FBF1: variants seen among roughly 807,000 people sequenced by gnomAD.
FBF1 encodes Fas binding factor 1.
A neutral mutation model predicts 147.2 loss-of-function variants in FBF1; 119 were observed. The ratio of observed to expected loss-of-function variants is 0.81; its 90% CI spans 0.70 to 0.94. The LOEUF (loss-of-function observed/expected upper bound fraction) is 0.94, where lower values mean the gene tolerates loss of function less well. Among genes scored for constraint, FBF1 ranks in the 40% least tolerant of loss-of-function variants. The probability of loss-of-function intolerance (pLI) is 0.00; values close to 1 mark genes in which losing one functional copy is unlikely to be tolerated. For synonymous variants in FBF1, 601 were observed against 609.0 expected (o/e 0.99, Z 0.19); for missense variants, 1,449 against 1,500.8 (o/e 0.97, Z 0.57).
Position 75,917,509 on chromosome 17 carries a change from C to T in FBF1, c.2505+223G>A, listed in dbSNP as rs955338494. The stretch of plus-strand genomic sequence containing the variant: ...CCGAGGGGCTTGCGGTGCTGAGGAG[C>T]GGACAGGGCGTGGTGGGGGGCCTGG... On this transcript the variant is annotated intron_variant, in intron 23 of 29. Transcript: ENST00000636174. Among the ~76,000 whole-genome samples, 13 of 71,472 alleles carry T rather than the reference C, an allele frequency of 1.8e-4. No individual in the cohort carries two copies. The East Asian group carries it at 3.2e-3, about 18-fold the overall frequency. The allele number at this position is 71,472 out of a possible 152,430, so 46.9% of individuals were successfully genotyped here.
chr17:75,923,428 C>G lies in FBF1; in HGVS notation c.1182G>C (p.Ala394=). The G allele has an allele frequency of 1.2e-6, 2 of 1,608,164 alleles. No homozygotes were observed. Among genetic ancestry groups the G allele is most frequent in the South Asian group, 1.1e-5 (1 of 89,810 alleles). Residue 394 remains alanine (A), a synonymous_variant, in exon 14 of 30, where the codon GCG becomes GCC. Transcript: ENST00000636174. The surrounding 1 kb of genome is among the most constrained non-coding windows in gnomAD (Gnocchi z 4.1). The stretch of plus-strand genomic sequence containing the variant: ...GCCCAGCTGGCGTGGAGTGCTGGCT[C>G]GCAGGAGGAGGCACTGAGGGCGTGA... ...VPVTPSVPPP[A]SQHSTPAGLP...
At chr17:75,933,801 A>G (rs2065608125) in intron 4 of FBF1, among the ~76,000 whole-genome samples, 2 of 152,300 alleles carry the variant, frequency 1.3e-5, no homozygotes, top group South Asian at 4.1e-4. Flanking sequence ...CAATAAACAC[A>G]TGAAAAGATG....
At position 75,926,825 on chromosome 17, in the gene FBF1, G is replaced by C. The variant is rs199938901; in HGVS notation, c.528C>G (p.Thr176=). The C allele has an allele frequency of 1.2e-6, 2 of 1,613,660 alleles. No homozygotes were observed. Among genetic ancestry groups the C allele is most frequent in the South Asian group, 1.1e-5 (1 of 90,990 alleles). Residue 176 remains threonine (T), a synonymous_variant, in exon 10 of 30, where the codon ACC becomes ACG. Coordinates refer to ENST00000636174, the MANE Select transcript of FBF1 (RefSeq NM_001319193.2). Reference sequence around the variant, plus strand: ...TACTCTGTGTCACAGGCGGCTGCTTGGTGATTCCTCCTTCATCATAGGAGA... The same window carrying C: ...TACTCTGTGTCACAGGCGGCTGCTTCGTGATTCCTCCTTCATCATAGGAGA... The part of the protein sequence containing the change: ...GLLSYDEGGI[T]KQPPVTQSKT...
intron 7 of FBF1, among the ~76,000 whole-genome samples, chr17:75,929,287 C>T (rs962703448): frequency 1.3e-5 from 2 of 151,784 alleles, no homozygotes; most frequent in African/African-American, 4.8e-5. Context: ...AATGAGATCA[C>T]ACCACTGCAC....
chr17:75,933,156 G>A, intron 4 of FBF1, 68 bp from the exon 5 acceptor site: 1 of 1,256,888 alleles, frequency 8.0e-7, no homozygotes, highest in Non-Finnish European at 1.1e-6. Flanking sequence ...TGCAAAGGCT[G>A]GCAAGCTCCC....
intron 3 of FBF1, 135 bp from the exon 4 acceptor site, chr17:75,935,808 G>T: frequency 1.4e-6 from 1 of 729,700 alleles, no homozygotes; most frequent in Non-Finnish European, 2.1e-6. Context: ...CCTTTCATTG[G>T]CCACGAGATG....
At chr17:75,915,318 C>T (rs1368483245) in intron 23 of FBF1, among the ~76,000 whole-genome samples, 179 bp from the exon 24 acceptor site, 1 of 152,194 alleles carries the variant, frequency 6.6e-6, no homozygotes, top group Admixed American at 6.5e-5. Flanking sequence ...CCAGCCCGCA[C>T]GATTCTGCCC....
In FBF1 at chr17:75,910,709, G is replaced by A. The variant is rs760956517; in HGVS notation, c.*14C>T. On this transcript the variant is annotated 3_prime_UTR_variant, in exon 30 of 30. Coordinates refer to ENST00000636174, the MANE Select transcript of FBF1 (RefSeq NM_001319193.2). This position sits in a 1 kb window ranked among gnomAD's most constrained non-coding sequence, Gnocchi z 4.1. ...GGTCCGAACCCTCTGTTGGGGAATC[G>A]GCTGGGGTCCCACTCAGGCTGAATG... The A allele has an allele frequency of 5.0e-6, 8 of 1,601,698 alleles. No individual in the cohort carries two copies. Among genetic ancestry groups the A allele is most frequent in the South Asian group, 2.2e-5 (2 of 88,892 alleles).
chr17:75,928,086 G>T lies in FBF1; in HGVS notation c.387C>A (p.Pro129=), dbSNP rs748032965. ...TGGCTACTGACCCACCTGCAGGCTT[G>T]GGGTGGTTGGGCAGCTCTCCTTTCC... ...DPGKGELPNH[P]KPAGGAIPTK... The change falls in exon 8 of 30, where the codon CCC becomes CCA. Residue 129 remains proline, a synonymous_variant. Transcript: ENST00000636174. The surrounding 1 kb of genome is among the most constrained non-coding windows in gnomAD (Gnocchi z 4.2). 8 of 1,613,164 alleles carry T rather than the reference G, an allele frequency of 5.0e-6. No individual in the cohort carries two copies. The African/African-American group carries it at 6.7e-5, about 13-fold the overall frequency.
At chr17:75,930,124 C>T (rs574799842) in intron 6 of FBF1, 77 bp from the exon 7 acceptor site, 2 of 1,202,376 alleles carry the variant, frequency 1.7e-6, no homozygotes, top group East Asian at 2.5e-5. Flanking sequence ...GGGTCCTGGC[C>T]CCTTGCTTCT....
At chr17:75,934,856 GCAA>G (rs2065614603) in intron 4 of FBF1, among the ~76,000 whole-genome samples, 1 of 146,886 alleles carries the variant, frequency 6.8e-6, no homozygotes, top group African/African-American at 2.6e-5. Flanking sequence ...TCCAGCCTGG[GCAA>G]CAAGAGTGAA....
Position 75,910,670 on chromosome 17 carries a change from C to T in FBF1, c.*53G>A. On this transcript the variant is annotated 3_prime_UTR_variant, in exon 30 of 30. Transcript: ENST00000636174. The surrounding 1 kb of genome is among the most constrained non-coding windows in gnomAD (Gnocchi z 4.1). ...GCCTCCATGGAGGCAGCCGGAGGAA[C>T]AGGACAGTTCTGGGGTCCGAACCCT... is the stretch of plus-strand genomic sequence containing the variant. 6.6e-7 allele frequency: 1 copy of T among 1,520,946 alleles called. No homozygotes were observed. 94.2% of individuals were successfully genotyped at this position (1,520,946 alleles called of 1,614,324 possible).
rs1295305032 is a variant in FBF1 at position 75,922,124 on chromosome 17, C to T, written c.1425-78G>A. The T allele has an allele frequency of 7.8e-7, 1 of 1,280,104 alleles. No individual in the cohort carries two copies. Among genetic ancestry groups the T allele is most frequent in the South Asian group, 1.3e-5 (1 of 76,336 alleles). The allele number at this position is 1,280,104 out of a possible 1,614,324, so 79.3% of individuals were successfully genotyped here. ...GGATGAAGACAGGGCCCAGGACGGG[C>T]TTCACACGTGAAGCTCGTGGCCCCC... is the stretch of plus-strand genomic sequence containing the variant. On this transcript the variant is annotated intron_variant, in intron 14 of 29. Transcript: ENST00000636174. The surrounding 1 kb of genome is among the most constrained non-coding windows in gnomAD (Gnocchi z 5.0).
intron 10 of FBF1, 41 bp from the exon 11 acceptor site, chr17:75,926,467 C>T (rs1417008050): frequency 6.6e-7 from 1 of 1,507,244 alleles, no homozygotes; most frequent in East Asian, 2.3e-5. Context: ...AGCCTTCTTG[C>T]CCTCAACTGT....
intron 3 of FBF1, among the ~76,000 whole-genome samples, chr17:75,936,083 C>G (rs771531269): frequency 6.6e-6 from 1 of 152,072 alleles, no homozygotes; most frequent in African/African-American, 2.4e-5. Flanking sequence ...GAGGCCAAGG[C>G]GGGTGGATCA....
intron 7 of FBF1, 85 bp downstream of exon 7, chr17:75,929,912 A>T: frequency 4.3e-6 from 5 of 1,167,928 alleles, no homozygotes; most frequent in Non-Finnish European, 6.3e-6. Flanking sequence ...GAGAAATTAG[A>T]AGGAGAATGA....
chr17:75,914,076 G>A (rs1181816168), intron 26 of FBF1, 26 bp from the exon 27 acceptor site: 1 of 1,592,722 alleles, frequency 6.3e-7, no homozygotes, highest in Non-Finnish European at 8.5e-7. Flanking sequence ...CTGGGTCAGG[G>A]CTGCCTGGGC....
chr17:75,927,450 G>T lies in FBF1; in HGVS notation c.475+5C>A. 1 of 1,583,054 alleles carries T rather than the reference G, an allele frequency of 6.3e-7. No individual in the cohort carries two copies. Among genetic ancestry groups the T allele is most frequent in the Non-Finnish European group, 8.6e-7 (1 of 1,164,660 alleles). On this transcript the variant is annotated splice_donor_5th_base_variant and intron_variant, in intron 9 of 29. Transcript: ENST00000636174. Reference sequence around the variant, plus strand: ...TCCCAGAGGCATGACAGGAGCCTATGGTACCTTCAGAGGAAAACCTCCTGT... The same window carrying T: ...TCCCAGAGGCATGACAGGAGCCTATTGTACCTTCAGAGGAAAACCTCCTGT...
rs1177126255 is a variant in FBF1, at chr17:75,928,336, T to C, written c.280-143A>G. On this transcript the variant is annotated intron_variant, in intron 7 of 29. Coordinates refer to ENST00000636174, the MANE Select transcript of FBF1 (RefSeq NM_001319193.2). The surrounding 1 kb of genome is among the most constrained non-coding windows in gnomAD (Gnocchi z 4.2). ...ATGAGAAAACTGTTGAGAAAAACAGTGAGTGAAGAAAGAAAATGGAACTAA... is the reference window on the plus strand; with the variant it reads ...ATGAGAAAACTGTTGAGAAAAACAGCGAGTGAAGAAAGAAAATGGAACTAA... 5 of 692,302 alleles carry C rather than the reference T, an allele frequency of 7.2e-6. No homozygotes were observed. The highest frequency in any genetic ancestry group is 6.7e-5 in the South Asian group (4 of 60,112). 42.9% of individuals were successfully genotyped at this position (692,302 alleles called of 1,614,324 possible). A position where few individuals can be genotyped will look rare whatever the true frequency, so the allele number is the denominator to read the frequency against.
Sources: allele counts gnomAD v4.1 joint callset (sites outside exome capture counted in the v4.1 genomes callset), GRCh38; gene constraint gnomAD v4.1.1; non-coding constraint Gnocchi (gnomAD v3.1); transcripts MANE v1.5; gene names NCBI Gene and HGNC (gene_info 2026-07-23, HGNC 2026-07-21).